The following LRRC37B variants were observed in gnomAD, a reference collection of about 807,000 sequenced individuals.
The protein encoded by LRRC37B is leucine rich repeat containing 37B.
In LRRC37B, 28 loss-of-function variants were observed where a neutral mutation model predicts 98.3. That is an observed-to-expected ratio of 0.28 (90% CI 0.21 to 0.39). The LOEUF is 0.39. LRRC37B is among the 10% of genes least tolerant of loss of function. The probability of loss-of-function intolerance (pLI) is 1.00; values close to 1 mark genes in which losing one functional copy is unlikely to be tolerated. For synonymous variants in LRRC37B, 364 were observed against 442.7 expected (o/e 0.82, Z 2.23); for missense variants, 938 against 1,182.7 (o/e 0.79, Z 3.03).
intron 7 of LRRC37B, chr17:32,040,877 G>A (rs1381798826): frequency 2.3e-6 from 2 of 864,228 alleles, no homozygotes; most frequent in African/African-American, 1.6e-5. Flanking sequence ...AGAAAGACCT[G>A]AAGGGGATCC....
intron 7 of LRRC37B, chr17:32,039,849 T>C (rs1331962232): frequency 6.6e-6 from 1 of 151,958 alleles, no homozygotes; most frequent in Non-Finnish European, 1.5e-5. Context: ...GTTTTACTGC[T>C]CTAGCCTCAC....
chr17:32,007,727 T>A (rs1290582760), upstream of LRRC37B: 2 of 1,192,022 alleles, frequency 1.7e-6, no homozygotes, highest in East Asian at 7.1e-5. This position sits in a 1 kb window ranked among gnomAD's most constrained non-coding sequence, Gnocchi z 4.1. Flanking sequence ...CCCTCGCCGA[T>A]ACGCGGTAGT....
intron 8 of LRRC37B, among the ~76,000 whole-genome samples, chr17:32,046,232 T>C (rs1240885342): frequency 6.6e-6 from 1 of 152,144 alleles, no homozygotes; most frequent in African/African-American, 2.4e-5. Flanking sequence ...CCGGTTTTGT[T>C]TTTGTTTTTG....
rs1300153085 is a variant in LRRC37B, at chr17:32,040,305, T to G, written c.2204+4666T>G. 5 of 332,080 alleles carry G rather than the reference T, an allele frequency of 1.5e-5. No homozygotes were observed. In the Admixed American group the frequency reaches 1.7e-4, roughly 11 times the overall value. 20.6% of individuals were successfully genotyped at this position (332,080 alleles called of 1,614,324 possible). ...TGAAGGAGACTAAAGAATCATGAACTCGAGGTGGCCCCGGGGCAGGCGCAG... is the reference window on the plus strand; with the variant it reads ...TGAAGGAGACTAAAGAATCATGAACGCGAGGTGGCCCCGGGGCAGGCGCAG... On this transcript the variant is annotated intron_variant, in intron 7 of 11. Coordinates refer to ENST00000327564, the Ensembl canonical transcript of LRRC37B.
intron 7 of LRRC37B, chr17:32,041,741 C>A: frequency 2.2e-6 from 1 of 457,744 alleles, no homozygotes; most frequent in Non-Finnish European, 4.4e-6. Flanking sequence ...TAGCGCTGAC[C>A]CCTAACGGTG....
At chr17:32,030,165 T>G (rs929345593) in intron 3 of LRRC37B, among the ~76,000 whole-genome samples, 2 of 152,124 alleles carry the variant, frequency 1.3e-5, no homozygotes, top group Non-Finnish European at 2.9e-5. Flanking sequence ...TGTATTAATA[T>G]GATTTGAATA....
chr17:32,021,570 C>A (rs753755033), exon 1 of LRRC37B: 1 of 1,614,200 alleles, frequency 6.2e-7, no homozygotes, highest in East Asian at 2.2e-5. Flanking sequence ...CAACCGGGAT[C>A]AGAACCAGGC....
chr17:32,012,754 C>T lies in LRRC37B; in HGVS notation c.-191+4622C>T, dbSNP rs191484298. On this transcript the variant is annotated intron_variant, in intron 1 of 14. Coordinates refer to the LRRC37B transcript ENST00000543378. ...CATACAGGCCAGGTGCGGTGCCTCACGCCTGTAATCCCAGCACTTTGGGAG... is the reference window on the plus strand; with the variant it reads ...CATACAGGCCAGGTGCGGTGCCTCATGCCTGTAATCCCAGCACTTTGGGAG... 7.2e-4 allele frequency among the ~76,000 whole-genome samples: 110 copies of T among 152,042 alleles called. No homozygotes were observed. In the East Asian group the frequency reaches 0.018, roughly 25 times the overall value.
intron 1 of LRRC37B, among the ~76,000 whole-genome samples, chr17:32,011,051 C>T (rs1001064507): frequency 1.3e-5 from 2 of 150,448 alleles, no homozygotes; most frequent in African/African-American, 4.9e-5. Flanking sequence ...GGCTGGAGTG[C>T]AGTGGCACAA....
In LRRC37B at chr17:32,049,095, T is replaced by C. The variant is rs773425206; in HGVS notation, c.2465-7T>C. The C allele has an allele frequency of 3.1e-5, 50 of 1,613,522 alleles. No homozygotes were observed. The highest frequency in any genetic ancestry group is 4.0e-5 in the Non-Finnish European group (47 of 1,179,862). ...AAGCTTCAATTACCCATTGCTCTCG[T>C]CCCCAGGTGATCAGCTTGAAATTCA... On this transcript the variant is annotated splice_region_variant and splice_polypyrimidine_tract_variant and intron_variant, in intron 9 of 11. Transcript: ENST00000327564.
rs556050473 is a variant in LRRC37B at position 32,040,956 on chromosome 17, C to G, written c.2205-4744C>G. On this transcript the variant is annotated intron_variant, in intron 7 of 11. Coordinates refer to ENST00000327564, the Ensembl canonical transcript of LRRC37B. ...CTAAAAGAAGCGGCAGGGCAAGATC[C>G]CCGATGAGGAGCTGCGTCAGGCGCT... 221 of 936,978 alleles carry G rather than the reference C, an allele frequency of 2.4e-4. 2 individuals carry two copies. In the East Asian group the frequency reaches 5.2e-3, roughly 22 times the overall value. 58.0% of individuals were successfully genotyped at this position (936,978 alleles called of 1,614,324 possible).
upstream of LRRC37B, among the ~76,000 whole-genome samples, chr17:32,019,871 G>A (rs1432264846): frequency 6.6e-6 from 1 of 152,032 alleles, no homozygotes; most frequent in African/African-American, 2.4e-5. Context: ...ATTTTTTTGA[G>A]ACGGAGTTTC....
At chr17:32,026,409 G>A (rs1910953916) in intron 2 of LRRC37B, among the ~76,000 whole-genome samples, 1 of 152,050 alleles carries the variant, frequency 6.6e-6, no homozygotes, top group Non-Finnish European at 1.5e-5. Context: ...CATCTACTTG[G>A]GAAGCTGAGG....
chr17:32,040,695 G>A, intron 7 of LRRC37B: 1 of 780,416 alleles, frequency 1.3e-6, no homozygotes, highest in Non-Finnish European at 2.4e-6. Context: ...GCAGTTGGAG[G>A]GGCTCCTGAG....
At chr17:32,019,465 T>C (rs1478320453), upstream of LRRC37B, among the ~76,000 whole-genome samples, 1 of 152,204 alleles carries the variant, frequency 6.6e-6, no homozygotes, top group Non-Finnish European at 1.5e-5. Flanking sequence ...TTTCTCAAGC[T>C]CTTCACATGG....
intron 5 of LRRC37B, among the ~76,000 whole-genome samples, 197 bp from the exon 9 acceptor site, chr17:32,034,712 TC>T (rs1171484331): frequency 2.6e-5 from 4 of 152,048 alleles, no homozygotes; most frequent in Non-Finnish European, 5.9e-5. Flanking sequence ...CTGCTTTCTC[TC>T]CTCTACTTTA....
At chr17:32,022,319 A>G (rs755195339) in exon 1 of LRRC37B, 3 of 1,613,998 alleles carry the variant, frequency 1.9e-6, no homozygotes, top group South Asian at 2.2e-5. Flanking sequence ...ATCCTCCTCC[A>G]GAACACCCTG....
chr17:32,018,903 T>TC (rs530104377), upstream of LRRC37B, among the ~76,000 whole-genome samples: 156 of 152,224 alleles, frequency 1.0e-3, no homozygotes, highest in African/African-American at 3.5e-3. Context: ...AAAGGAGCTC[T>TC]CCCTACACAG....
At chr17:32,033,032 C>T (rs1213313939) in intron 5 of LRRC37B, among the ~76,000 whole-genome samples, 4 of 152,040 alleles carry the variant, frequency 2.6e-5, no homozygotes, top group Admixed American at 6.6e-5. Context: ...GGTGTGGTGG[C>T]GGGCACATGT....
Sources: allele counts gnomAD v4.1 joint callset (sites outside exome capture counted in the v4.1 genomes callset), GRCh38; gene constraint gnomAD v4.1.1; non-coding constraint Gnocchi (gnomAD v3.1); transcripts MANE v1.5; gene names NCBI Gene and HGNC (gene_info 2026-07-23, HGNC 2026-07-21).